Variants in ENPP2 observed in about 807,000 individuals in gnomAD.
ENPP2 encodes ectonucleotide pyrophosphatase/phosphodiesterase 2.
ENPP2 carries 51 observed loss-of-function variants against 120.2 expected under a neutral mutation model. That is an observed-to-expected ratio of 0.42 (90% CI 0.34 to 0.54). ENPP2 has a LOEUF of 0.54. Ranked by LOEUF, ENPP2 falls within the 20% of genes least tolerant of loss-of-function variation. The probability of loss-of-function intolerance (pLI) is 0.04; values close to 1 mark genes in which losing one functional copy is unlikely to be tolerated. For synonymous variants in ENPP2, 365 were observed against 366.4 expected (o/e 1.00, Z 0.04); for missense variants, 920 against 1,066.5 (o/e 0.86, Z 1.91).
At chr8:119,572,371 T>C (rs1287871348) in intron 19 of ENPP2, 34 of 729,248 alleles carry the variant, frequency 4.7e-5, no homozygotes, top group Non-Finnish European at 7.4e-5. Context: ...ATCGATTCCA[T>C]TAGGGGACAA....
chr8:119,606,402 TATTA>T (rs1377421051), intron 9 of ENPP2, among the ~76,000 whole-genome samples: 2 of 152,250 alleles, frequency 1.3e-5, no homozygotes, highest in East Asian at 1.9e-4. Flanking sequence ...GGGGACTCAG[TATTA>T]ATTATGTTGT....
intron 2 of ENPP2, among the ~76,000 whole-genome samples, chr8:119,637,869 C>T (rs1817098752): frequency 6.6e-6 from 1 of 152,158 alleles, no homozygotes; most frequent in South Asian, 2.1e-4. Flanking sequence ...ACTTACCTTT[C>T]CTTTGCCATA....
chr8:119,596,149 A>G, intron 11 of ENPP2: 4 of 642,594 alleles, frequency 6.2e-6, no homozygotes, highest in Non-Finnish European at 1.0e-5. Context: ...TGAGGGATGG[A>G]TGATTAGAGG....
chr8:119,590,875 C>T (rs1469115218), intron 12 of ENPP2, among the ~76,000 whole-genome samples: 1 of 151,568 alleles, frequency 6.6e-6, no homozygotes, highest in Non-Finnish European at 1.5e-5. Flanking sequence ...AGTGCATTAC[C>T]TCGATTACAT....
chr8:119,663,918 T>A (rs1817996184), intron 1 of ENPP2, among the ~76,000 whole-genome samples: 1 of 152,296 alleles, frequency 6.6e-6, no homozygotes, highest in Admixed American at 6.5e-5. Flanking sequence ...ATCCAAAATA[T>A]CCAAAGTTTT....
chr8:119,619,675 G>T (rs1479182238), intron 4 of ENPP2, among the ~76,000 whole-genome samples: 1 of 145,502 alleles, frequency 6.9e-6, no homozygotes, highest in Non-Finnish European at 1.5e-5. Context: ...AGATCTCAAA[G>T]CCATAGAAAG....
intron 9 of ENPP2, among the ~76,000 whole-genome samples, chr8:119,607,011 T>C (rs1814765738): frequency 2.6e-5 from 4 of 152,180 alleles, no homozygotes; most frequent in Admixed American, 2.6e-4. Flanking sequence ...GAACATTAAC[T>C]GCTTATCCCC....
intron 1 of ENPP2, among the ~76,000 whole-genome samples, chr8:119,672,092 G>A (rs1419609227): frequency 2.0e-5 from 3 of 152,206 alleles, no homozygotes; most frequent in South Asian, 2.1e-4. Flanking sequence ...AGAGGTGAGG[G>A]CGGACGCCAG....
intron 9 of ENPP2, among the ~76,000 whole-genome samples, chr8:119,606,867 A>T (rs1814754189): frequency 6.6e-6 from 1 of 152,154 alleles, no homozygotes; most frequent in African/African-American, 2.4e-5. Flanking sequence ...AAAAAAAAAA[A>T]AAGATGGAAA....
intron 5 of ENPP2, 96 bp downstream of exon 5, chr8:119,619,148 A>G (rs1815697934): frequency 3.3e-6 from 3 of 909,038 alleles, no homozygotes; most frequent in Non-Finnish European, 5.4e-6. Context: ...AGAGAATTTC[A>G]GTTCCACATT....
intron 19 of ENPP2, chr8:119,572,536 C>T (rs185209039): frequency 2.8e-6 from 1 of 353,226 alleles, no homozygotes; most frequent in East Asian, 4.6e-5. Context: ...TCCACAAAGG[C>T]TAATGTATTT....
chr8:119,562,751 G>T, intron 24 of ENPP2, 106 bp downstream of exon 24: 1 of 1,155,346 alleles, frequency 8.7e-7, no homozygotes, highest in Non-Finnish European at 1.2e-6. Context: ...TGTTTAGGGT[G>T]AATGCTTTAT....
intron 15 of ENPP2, among the ~76,000 whole-genome samples, chr8:119,584,354 G>A (rs567124917): frequency 3.1e-4 from 47 of 152,136 alleles, no homozygotes; most frequent in African/African-American, 1.1e-3. Context: ...TAGGTGCTTC[G>A]CTAGCTCTGA....
At chr8:119,666,777 TAAA>T (rs11326011) in intron 1 of ENPP2, among the ~76,000 whole-genome samples, 2 of 136,738 alleles carry the variant, frequency 1.5e-5, no homozygotes, top group Non-Finnish European at 3.3e-5. Context: ...CAAAACTGTC[TAAA>T]AAAAAAAAAA....
At chr8:119,666,702 C>A (rs1293256735) in intron 1 of ENPP2, among the ~76,000 whole-genome samples, 4 of 151,644 alleles carry the variant, frequency 2.6e-5, no homozygotes, top group Non-Finnish European at 4.4e-5. Context: ...ATCACTTGAA[C>A]CCAGGAGGCG....
chr8:119,592,008 C>T (rs1050932297), intron 12 of ENPP2, among the ~76,000 whole-genome samples: 1 of 152,138 alleles, frequency 6.6e-6, no homozygotes, highest in Non-Finnish European at 1.5e-5. Context: ...GCTCCTCAAG[C>T]GTCATCAGCC....
rs188771701 is a variant in ENPP2, at chr8:119,636,464, C to T, written c.136+1961G>A. On this transcript the variant is annotated intron_variant, in intron 2 of 24. Transcript: ENST00000075322. ...CATTGTATTCTAAGACTAAGCTTCACGTGGTTAGAAGTTTAATAAATTATT... is the reference window on the plus strand; with the variant it reads ...CATTGTATTCTAAGACTAAGCTTCATGTGGTTAGAAGTTTAATAAATTATT... Among the ~76,000 whole-genome samples the T allele has an allele frequency of 2.6e-4, 39 of 152,194 alleles. No homozygotes were observed. The East Asian group carries it at 3.5e-3, about 14-fold the overall frequency.
chr8:119,669,521 T>C (rs757159354), intron 1 of ENPP2, among the ~76,000 whole-genome samples: 4 of 152,212 alleles, frequency 2.6e-5, no homozygotes, highest in Non-Finnish European at 5.9e-5. Flanking sequence ...CACATGATAT[T>C]GGGATCATCT....
chr8:119,609,055 A>T lies in ENPP2; in HGVS notation c.778-1078T>A, dbSNP rs73329859. ...AGACCAAAACAAAAATGATCTGGGAATTGTAGCCAGCCCCTTTTCTGGTTT... is the reference window on the plus strand; with the variant it reads ...AGACCAAAACAAAAATGATCTGGGATTTGTAGCCAGCCCCTTTTCTGGTTT... On this transcript the variant is annotated intron_variant, in intron 8 of 24. Coordinates refer to ENST00000075322, the MANE Select transcript of ENPP2 (RefSeq NM_001040092.3). 2.5e-3 allele frequency among the ~76,000 whole-genome samples: 378 copies of T among 152,300 alleles called. 1 individual carries two copies. Among genetic ancestry groups the T allele is most frequent in the African/African-American group, 8.8e-3 (366 of 41,578 alleles).
Sources: gnomAD v4.1 joint callset for allele counts (sites outside exome capture counted in the v4.1 genomes callset) on GRCh38, gnomAD v4.1.1 for gene constraint, MANE v1.5 for transcripts, NCBI Gene and HGNC (gene_info 2026-07-23, HGNC 2026-07-21) for gene names.